The following SYNPO2 variants were observed in gnomAD, a reference collection of about 807,000 sequenced individuals.
SYNPO2 encodes synaptopodin-2.
Under a neutral mutation model 85.0 loss-of-function variants are expected in SYNPO2, and 56 were observed. The ratio of observed to expected loss-of-function variants is 0.66; its 90% CI spans 0.53 to 0.82. The LOEUF (loss-of-function observed/expected upper bound fraction) is 0.82, where lower values mean the gene tolerates loss of function less well. Ranked by LOEUF, SYNPO2 falls within the 40% of genes least tolerant of loss-of-function variation. SYNPO2 has a pLI of 0.00. For missense variants in SYNPO2, 1,575 were observed against 1,534.2 expected, an observed-to-expected ratio of 1.03 and a Z score of -0.44; for synonymous variants, 602 against 591.1, an observed-to-expected ratio of 1.02 and a Z score of -0.27.
intron 1 of SYNPO2, among the ~76,000 whole-genome samples, chr4:118,922,947 T>C (rs905960393): frequency 6.6e-6 from 1 of 152,188 alleles, no homozygotes; most frequent in African/African-American, 2.4e-5. Context: ...TATCTATAAA[T>C]ATATCTTTAG....
At position 119,031,515 on chromosome 4, in the gene SYNPO2, T is replaced by G. The variant is rs1738260331; in HGVS notation, c.2740T>G (p.Ser914Ala). 1 of 1,613,930 alleles carries G rather than the reference T, an allele frequency of 6.2e-7. No individual in the cohort carries two copies. The highest frequency in any genetic ancestry group is 8.5e-7 in the Non-Finnish European group (1 of 1,180,008). ...TPSLPASWKY[S>A]SNVRAPPPVA... ...ATCTCTCCCGGCCAGTTGGAAGTAC[T>G]CCTCCAATGTCCGAGCACCTCCTCC... The change falls in exon 4 of 5, where the codon TCC becomes GCC. Residue 914 changes from serine to alanine, a missense_variant. Physicochemically the swap from Ser to Ala is moderately conservative, Grantham distance 99. Transcript: ENST00000307142.
At chr4:118,881,257 G>T (rs1395550335) in intron 1 of SYNPO2, among the ~76,000 whole-genome samples, 1 of 148,852 alleles carries the variant, frequency 6.7e-6, no homozygotes, top group African/African-American at 2.5e-5. Flanking sequence ...AGCCGAGATC[G>T]CACCACTGGA....
At chr4:118,858,155 G>C (rs895049664) in intron 1 of SYNPO2, among the ~76,000 whole-genome samples, 3 of 152,132 alleles carry the variant, frequency 2.0e-5, no homozygotes, top group Non-Finnish European at 4.4e-5. Context: ...CCTGGCCCTA[G>C]ATGGTGACAT....
intron 1 of SYNPO2, among the ~76,000 whole-genome samples, chr4:118,949,991 A>G (rs1734643412): frequency 6.6e-6 from 1 of 152,240 alleles, no homozygotes; most frequent in Admixed American, 6.5e-5. Flanking sequence ...CTATGAGGCC[A>G]CTAGGTAGCT....
chr4:118,913,856 A>G (rs1733223472), intron 1 of SYNPO2, among the ~76,000 whole-genome samples: 1 of 152,144 alleles, frequency 6.6e-6, no homozygotes, highest in African/African-American at 2.4e-5. Flanking sequence ...ATTAAAAATT[A>G]TTTCTCCCAA....
In SYNPO2 at chr4:119,003,346, G is replaced by C. The variant is rs146579260; in HGVS notation, c.106-20084G>C. 2.2e-3 allele frequency among the ~76,000 whole-genome samples: 339 copies of C among 152,174 alleles called. 8 individuals are homozygous for C. In the East Asian group the frequency reaches 0.053, roughly 24 times the overall value. ...ACTCACTATCATGAGAACAGCATGG[G>C]GGAAACCACCCCCATGATCCAATCA... On this transcript the variant is annotated intron_variant, in intron 1 of 4. Transcript: ENST00000307142.
At chr4:118,868,037 CT>C (rs1268299496) in intron 1 of SYNPO2, among the ~76,000 whole-genome samples, 1 of 146,446 alleles carries the variant, frequency 6.8e-6, no homozygotes, top group African/African-American at 2.5e-5. Context: ...TACTCCTCCC[CT>C]CCTTTCATTT....
At chr4:118,863,759 A>C (rs1464176428) in intron 1 of SYNPO2, among the ~76,000 whole-genome samples, 1 of 151,956 alleles carries the variant, frequency 6.6e-6, no homozygotes, top group Non-Finnish European at 1.5e-5. Context: ...CTACAGGCGC[A>C]AGCCATCACA....
rs1319567696 is a variant in SYNPO2 at position 119,031,458 on chromosome 4, G to C, written c.2683G>C (p.Ala895Pro). The change falls in exon 4 of 5, where the codon GCC (alanine) becomes CCC (proline). Residue 895 changes from alanine (A) to proline (P), a missense_variant. By Grantham distance (27) the Ala-to-Pro change is conservative. This residue lies in a region of SYNPO2 where 1,508 missense variants were observed against 1,446.8 expected (regional missense o/e 1.04). Coordinates refer to ENST00000307142, the MANE Select transcript of SYNPO2 (RefSeq NM_133477.3). ...KYVVDSDTVQ[A>P]HAARAQSPTP... is the part of the protein sequence containing the mutation. ...TGTGGTCGATTCAGACACGGTGCAG[G>C]CCCACGCTGCTCGAGCTCAGTCTCC... is the stretch of plus-strand genomic sequence containing the variant. 6.2e-7 allele frequency: 1 copy of C among 1,614,092 alleles called. No individual in the cohort carries two copies. Among genetic ancestry groups the C allele is most frequent in the East Asian group, 2.2e-5 (1 of 44,870 alleles).
At chr4:118,961,293 T>C (rs569738072) in intron 1 of SYNPO2, among the ~76,000 whole-genome samples, 1 of 152,152 alleles carries the variant, frequency 6.6e-6, no homozygotes, top group East Asian at 1.9e-4. Context: ...AACCCCAGCC[T>C]ACAGATTCCA....
rs191678024 is a variant in SYNPO2 at position 119,059,878 on chromosome 4, C to T, written c.*1944C>T. The T allele has an allele frequency of 1.3e-5, 2 of 152,184 alleles. No homozygotes were observed. The highest frequency in any genetic ancestry group is 3.9e-4 in the East Asian group (2 of 5,182). The allele number at this position is 152,184 out of a possible 1,614,324, so 9.4% of individuals were successfully genotyped here. On this transcript the variant is annotated 3_prime_UTR_variant, in exon 5 of 5. Coordinates refer to ENST00000307142, the MANE Select transcript of SYNPO2 (RefSeq NM_133477.3). Reference sequence around the variant, plus strand: ...ATATTGTTAAATTATCTTAAATTATCAAGGTGTAAGATGTAATGATCCCAA... The same window carrying T: ...ATATTGTTAAATTATCTTAAATTATTAAGGTGTAAGATGTAATGATCCCAA...
chr4:119,007,265 T>TATGTATATACATATATATATGTATATAC (rs1553945971), intron 1 of SYNPO2, among the ~76,000 whole-genome samples: 18 of 89,246 alleles, frequency 2.0e-4, no homozygotes, highest in African/African-American at 9.9e-4. Flanking sequence ...TATATATATA[T>TATGTATATACATATATATATGTATATAC]ATATATATAT....
intron 4 of SYNPO2, chr4:119,038,371 A>AG (rs1343664462): frequency 1.0e-6 from 1 of 974,246 alleles, no homozygotes; most frequent in Non-Finnish European, 1.2e-6. Flanking sequence ...TTTATTAGTA[A>AG]AAAAAAAAAA....
chr4:119,020,174 T>C lies in SYNPO2; in HGVS notation c.106-3256T>C, dbSNP rs531095144. 2.0e-5 allele frequency among the ~76,000 whole-genome samples: 3 copies of C among 152,170 alleles called. 1 individual carries two copies. In the South Asian group the frequency reaches 6.2e-4, roughly 32 times the overall value. On this transcript the variant is annotated intron_variant, in intron 1 of 4. Coordinates refer to ENST00000307142, the MANE Select transcript of SYNPO2 (RefSeq NM_133477.3). ...AGTTCTATAAAAAATGGAGAAAGAG[T>C]AGTCCTTCAGAAAAACTTAAGTAAG...
upstream of SYNPO2, among the ~76,000 whole-genome samples, chr4:118,884,903 T>A (rs79213839): frequency 0.019 from 2,962 of 152,220 alleles, 41 homozygotes; most frequent in Non-Finnish European, 0.021. Context: ...TTAAGAGACC[T>A]TTAGACTGAG....
At chr4:118,945,877 C>T (rs1418801764) in intron 1 of SYNPO2, among the ~76,000 whole-genome samples, 1 of 152,062 alleles carries the variant, frequency 6.6e-6, no homozygotes, top group Admixed American at 6.5e-5. Flanking sequence ...TCCCGAGTAG[C>T]TAGGACTGCA....
At chr4:119,049,638 G>A (rs1459151672) in intron 4 of SYNPO2, among the ~76,000 whole-genome samples, 2 of 152,158 alleles carry the variant, frequency 1.3e-5, no homozygotes, top group East Asian at 3.8e-4. Flanking sequence ...CTTTCTTTTT[G>A]CATGTCAAGT....
chr4:118,904,480 C>G (rs907541176), intron 1 of SYNPO2, among the ~76,000 whole-genome samples: 1 of 151,930 alleles, frequency 6.6e-6, no homozygotes. Flanking sequence ...GAAATCATCA[C>G]GAAGAGAAGA....
At chr4:119,016,038 G>T (rs530142632) in intron 1 of SYNPO2, among the ~76,000 whole-genome samples, 2 of 152,170 alleles carry the variant, frequency 1.3e-5, no homozygotes, top group Non-Finnish European at 2.9e-5. Context: ...ATAGACTGAG[G>T]ATAGGATCCA....
Sources: gnomAD v4.1 joint callset for allele counts (sites outside exome capture counted in the v4.1 genomes callset) on GRCh38, gnomAD v4.1.1 for gene constraint, gnomAD v4.1.1 regional missense constraint, MANE v1.5 for transcripts, NCBI Gene and HGNC (gene_info 2026-07-23, HGNC 2026-07-21) for gene names.